Variants in SNRPG observed in about 807,000 individuals in gnomAD.
SNRPG encodes small nuclear ribonucleoprotein polypeptide G, also known as small nuclear ribonucleoprotein G.
In SNRPG, 3 loss-of-function variants were observed where a neutral mutation model predicts 13.9. That is an observed-to-expected ratio of 0.22 (90% CI 0.10 to 0.56). The LOEUF (loss-of-function observed/expected upper bound fraction) is 0.56. Ranked by LOEUF, SNRPG falls within the 20% of genes least tolerant of loss-of-function variation. SNRPG has a pLI of 0.93. For synonymous variants in SNRPG, 29 were observed against 29.3 expected (o/e 0.99, Z 0.03); for missense variants, 34 against 96.1 (o/e 0.35, Z 2.70).
chr2:70,288,932 A>C (rs901842923), intron 2 of SNRPG, among the ~76,000 whole-genome samples: 5 of 152,128 alleles, frequency 3.3e-5, no homozygotes, highest in African/African-American at 1.2e-4. Flanking sequence ...AACGGATGTG[A>C]ATTAGAGGTC....
At position 70,293,695 on chromosome 2, in the gene SNRPG, G is replaced by A. The variant is rs191710102; in HGVS notation, c.-46C>T. On this transcript the variant is annotated 5_prime_UTR_variant, in exon 1 of 4. Coordinates refer to ENST00000272348, the MANE Select transcript of SNRPG (RefSeq NM_003096.4). ...ACAGATGCCTTGGAACGCAACGCACGGCTTTCCTCACGCTCCCGCTGTAGG... is the reference window on the plus strand; with the variant it reads ...ACAGATGCCTTGGAACGCAACGCACAGCTTTCCTCACGCTCCCGCTGTAGG... 7.5e-6 allele frequency: 12 copies of A among 1,590,790 alleles called. No homozygotes were observed. Among genetic ancestry groups the A allele is most frequent in the East Asian group, 6.7e-5 (3 of 44,806 alleles).
chr2:70,293,192 A>G, intron 1 of SNRPG: 4 of 702,440 alleles, frequency 5.7e-6, no homozygotes, highest in Non-Finnish European at 1.0e-5. Context: ...TCGGATTCTG[A>G]TGCCTCACGT....
chr2:70,286,919 GA>G (rs1696956302), intron 3 of SNRPG, among the ~76,000 whole-genome samples: 1 of 152,124 alleles, frequency 6.6e-6, no homozygotes, highest in Non-Finnish European at 1.5e-5. Flanking sequence ...GGGGTATCTA[GA>G]AAATGTTTTT....
chr2:70,291,387 G>T (rs1203306202), intron 1 of SNRPG: 1 of 152,178 alleles, frequency 6.6e-6, no homozygotes, highest in Non-Finnish European at 1.5e-5. Flanking sequence ...CAAGACTACC[G>T]TGGCAGCAAA....
rs201792473 is a variant in SNRPG, at chr2:70,293,579, A to G, written c.32+39T>C. The stretch of plus-strand genomic sequence containing the variant: ...GAACCAAGGGACTCGCAGGACGCAA[A>G]TAACTGACCACTTCGGTTTGGCTCT... On this transcript the variant is annotated intron_variant, in intron 1 of 3. Coordinates refer to ENST00000272348, the MANE Select transcript of SNRPG (RefSeq NM_003096.4). 2.5e-6 allele frequency: 4 copies of G among 1,585,410 alleles called. No individual in the cohort carries two copies. In the East Asian group the frequency reaches 8.9e-5, roughly 35 times the overall value.
At position 70,293,638 on chromosome 2, in the gene SNRPG, A is replaced by C; in HGVS notation, c.12T>G (p.Ala4=). 6.2e-7 allele frequency: 1 copy of C among 1,614,142 alleles called. No homozygotes were observed. The highest frequency in any genetic ancestry group is 8.5e-7 in the Non-Finnish European group (1 of 1,179,988). The change falls in exon 1 of 4, where the codon GCT becomes GCG. Residue 4 remains alanine, a synonymous_variant. Coordinates refer to ENST00000272348, the MANE Select transcript of SNRPG (RefSeq NM_003096.4). The part of the protein sequence containing the change: MSK[A]HPPELKKFMD... ...CTTACTTTTTCAACTCGGGAGGGTG[A>C]GCTTTGCTCATGGTGTATACTCCGC...
chr2:70,286,781 T>C (rs1174759221), intron 3 of SNRPG, among the ~76,000 whole-genome samples: 1 of 152,250 alleles, frequency 6.6e-6, no homozygotes, highest in African/African-American at 2.4e-5. Context: ...AAAGCAGAAT[T>C]GACAATTAGG....
chr2:70,293,054 T>TCA, intron 1 of SNRPG: 1 of 682,354 alleles, frequency 1.5e-6, no homozygotes, highest in Non-Finnish European at 2.7e-6. Context: ...TCTTATATAG[T>TCA]TTCAACATCA....
intron 3 of SNRPG, among the ~76,000 whole-genome samples, chr2:70,285,651 T>C (rs1696924594): frequency 6.6e-6 from 1 of 152,132 alleles, no homozygotes; most frequent in Non-Finnish European, 1.5e-5. Context: ...GTACCTACTC[T>C]GAGGATAAAG....
At chr2:70,291,982 C>G (rs1460985575) in intron 1 of SNRPG, among the ~76,000 whole-genome samples, 3 of 143,494 alleles carry the variant, frequency 2.1e-5, no homozygotes, top group Non-Finnish European at 3.0e-5. Flanking sequence ...GAGTCTCGCT[C>G]TGTTGCCCAG....
At chr2:70,288,261 G>C in intron 2 of SNRPG, 69 bp from the exon 3 acceptor site, 1 of 1,378,190 alleles carries the variant, frequency 7.3e-7, no homozygotes, top group Non-Finnish European at 1.0e-6. Flanking sequence ...CTAAAAATCA[G>C]GTGGGATAAA....
intron 3 of SNRPG, among the ~76,000 whole-genome samples, chr2:70,283,279 A>G (rs1416371070): frequency 6.6e-6 from 1 of 151,986 alleles, no homozygotes. Flanking sequence ...AGATCATCAT[A>G]ATCGATAGAT....
At chr2:70,282,604 A>T (rs1158113792) in intron 3 of SNRPG, among the ~76,000 whole-genome samples, 2 of 152,216 alleles carry the variant, frequency 1.3e-5, no homozygotes, top group African/African-American at 4.8e-5. Flanking sequence ...TAGTGTTTGG[A>T]GGACATCAGA....
chr2:70,285,750 C>T (rs1481937111), intron 3 of SNRPG, among the ~76,000 whole-genome samples: 1 of 152,196 alleles, frequency 6.6e-6, no homozygotes, highest in Non-Finnish European at 1.5e-5. Context: ...TCCAGAATTA[C>T]ATACTGCTCC....
chr2:70,287,491 A>T, intron 3 of SNRPG: 1 of 559,214 alleles, frequency 1.8e-6, no homozygotes, highest in Non-Finnish European at 3.1e-6. Flanking sequence ...GTATGTGCTT[A>T]TTTTTTCCTG....
At chr2:70,288,321 G>C in intron 2 of SNRPG, 129 bp from the exon 3 acceptor site, 2 of 703,872 alleles carry the variant, frequency 2.8e-6, no homozygotes, top group Non-Finnish European at 2.4e-6. Flanking sequence ...TGTATGACAA[G>C]AACTGGGTTA....
At chr2:70,282,384 C>T (rs924292569) in intron 3 of SNRPG, among the ~76,000 whole-genome samples, 2 of 152,000 alleles carry the variant, frequency 1.3e-5, no homozygotes, top group Non-Finnish European at 2.9e-5. Context: ...GAAAGGCATG[C>T]TTTATGAAAA....
At chr2:70,290,184 A>T (rs1042510939) in intron 1 of SNRPG, among the ~76,000 whole-genome samples, 1 of 152,086 alleles carries the variant, frequency 6.6e-6, no homozygotes, top group Non-Finnish European at 1.5e-5. Flanking sequence ...TTTTATAGTC[A>T]CAAGAGAAAA....
At chr2:70,281,723 GGT>G in intron 3 of SNRPG, 39 bp from the exon 4 acceptor site, 1 of 1,071,256 alleles carries the variant, frequency 9.3e-7, no homozygotes, top group East Asian at 2.4e-5. Context: ...GAACAACTCA[GGT>G]AACAGACATA....
Sources: gnomAD v4.1 joint callset for allele counts (sites outside exome capture counted in the v4.1 genomes callset) on GRCh38, gnomAD v4.1.1 for gene constraint, MANE v1.5 for transcripts, NCBI Gene and HGNC (gene_info 2026-07-23, HGNC 2026-07-21) for gene names.